Variants in CHN2 observed in about 807,000 individuals in gnomAD.
CHN2 encodes chimerin 2.
A neutral mutation model predicts 56.3 loss-of-function variants in CHN2; 35 were observed. The observed-to-expected ratio is 0.62, with a 90% CI of 0.47 to 0.82. The LOEUF (loss-of-function observed/expected upper bound fraction) is 0.82. CHN2 is among the 40% of genes least tolerant of loss of function. The pLI, the probability that CHN2 is intolerant of heterozygous loss-of-function variation, is 0.00. For missense variants in CHN2, 491 were observed against 580.5 expected (o/e 0.85, Z 1.58); for synonymous variants, 210 against 212.8 (o/e 0.99, Z 0.12).
At chr7:29,259,468 G>A (rs967381591) in intron 1 of CHN2, among the ~76,000 whole-genome samples, 1 of 152,020 alleles carries the variant, frequency 6.6e-6, no homozygotes, top group Non-Finnish European at 1.5e-5. Context: ...TGGGTGCTCC[G>A]TTTTGTGTAA....
intron 6 of CHN2, among the ~76,000 whole-genome samples, chr7:29,447,017 A>G (rs1585422161): frequency 1.3e-5 from 2 of 152,314 alleles, no homozygotes; most frequent in East Asian, 3.9e-4. Context: ...ACTGCATCCA[A>G]AAGCGAAGTT....
chr7:29,160,910 G>A (rs2128709635), intron 2 of CHN2, among the ~76,000 whole-genome samples: 1 of 152,276 alleles, frequency 6.6e-6, no homozygotes, highest in Admixed American at 6.5e-5. Flanking sequence ...AAAAGCTACA[G>A]ATTAATTTTA....
intron 1 of CHN2, among the ~76,000 whole-genome samples, chr7:29,203,488 A>T (rs1016943798): frequency 6.6e-6 from 1 of 151,682 alleles, no homozygotes; most frequent in African/African-American, 2.4e-5. Context: ...AAAAAAAAAA[A>T]AAAAGGATCT....
intron 2 of CHN2, among the ~76,000 whole-genome samples, chr7:29,354,940 T>TTTTATTTATTTATTTATTTATTTA (rs58730020): frequency 1.4e-5 from 2 of 142,012 alleles, no homozygotes; most frequent in South Asian, 4.6e-4. Flanking sequence ...GGGGCTTTAT[T>TTTTATTTATTTATTTATTTATTTA]TTTATTTATT....
intron 1 of CHN2, among the ~76,000 whole-genome samples, chr7:29,308,976 C>T (rs1794376969): frequency 6.6e-6 from 1 of 152,128 alleles, no homozygotes; most frequent in Non-Finnish European, 1.5e-5. Context: ...CCTGGCAATG[C>T]AACATCTTGC....
chr7:29,311,588 G>T (rs571685120), intron 1 of CHN2, among the ~76,000 whole-genome samples: 1 of 152,320 alleles, frequency 6.6e-6, no homozygotes, highest in South Asian at 2.1e-4. Context: ...TCAAACACAG[G>T]CAGTGTGGCT....
intron 2 of CHN2, among the ~76,000 whole-genome samples, chr7:29,168,975 T>C (rs1016847364): frequency 1.3e-5 from 2 of 152,194 alleles, no homozygotes. Context: ...GTATAATAAA[T>C]TCTATTTGAT....
chr7:29,402,037 T>C (rs570919234), intron 6 of CHN2, among the ~76,000 whole-genome samples: 1 of 152,282 alleles, frequency 6.6e-6, no homozygotes, highest in East Asian at 1.9e-4. Context: ...GCCACACTGC[T>C]CCTTCCAGTG....
chr7:29,213,286 C>T, intron 1 of CHN2: 1 of 806,488 alleles, frequency 1.2e-6, no homozygotes, highest in Non-Finnish European at 2.1e-6. Flanking sequence ...CCCTCCTCCC[C>T]TCCCTGATAG....
At chr7:29,233,824 G>GCTT (rs1584812326) in intron 1 of CHN2, among the ~76,000 whole-genome samples, 1 of 81,756 alleles carries the variant, frequency 1.2e-5, no homozygotes, top group African/African-American at 4.6e-5. Context: ...CCAACACCTT[G>GCTT]ATTTTTTTTT....
chr7:29,453,014 G>A (rs1458730178), intron 6 of CHN2, among the ~76,000 whole-genome samples: 1 of 152,196 alleles, frequency 6.6e-6, no homozygotes, highest in Non-Finnish European at 1.5e-5. Context: ...TTCTTAATGT[G>A]CTTTGCAGAC....
chr7:29,488,964 C>T (rs1358334810), intron 7 of CHN2, among the ~76,000 whole-genome samples: 1 of 152,186 alleles, frequency 6.6e-6, no homozygotes, highest in Non-Finnish European at 1.5e-5. Flanking sequence ...CTTACAGTTT[C>T]GATCCCAGGC....
chr7:29,481,360 T>G (rs1787205852), intron 7 of CHN2, among the ~76,000 whole-genome samples: 1 of 152,222 alleles, frequency 6.6e-6, no homozygotes, highest in Non-Finnish European at 1.5e-5. Flanking sequence ...TTGTCAGAGG[T>G]GACGAGGGAA....
intron 6 of CHN2, among the ~76,000 whole-genome samples, chr7:29,467,384 G>A (rs1475664413): frequency 6.6e-6 from 1 of 152,104 alleles, no homozygotes; most frequent in Non-Finnish European, 1.5e-5. Context: ...TGTTTAACTT[G>A]TGCAATGTGG....
intron 7 of CHN2, among the ~76,000 whole-genome samples, chr7:29,488,271 G>A (rs1202479110): frequency 3.3e-5 from 5 of 152,162 alleles, no homozygotes; most frequent in African/African-American, 9.7e-5. Context: ...CAAAAGGGGA[G>A]AGTTCAAAGT....
intron 1 of CHN2, among the ~76,000 whole-genome samples, chr7:29,342,574 A>G (rs1009660504): frequency 3.3e-5 from 5 of 152,248 alleles, no homozygotes; most frequent in African/African-American, 1.2e-4. Flanking sequence ...GCACCAAAAA[A>G]TATATCATTA....
chr7:29,424,673 A>T (rs372187295), intron 6 of CHN2, among the ~76,000 whole-genome samples: 3 of 152,210 alleles, frequency 2.0e-5, no homozygotes, highest in African/African-American at 7.2e-5. Flanking sequence ...TTTTACAAAC[A>T]TTTGGATTTC....
rs150216645 is a variant in CHN2 at position 29,228,050 on chromosome 7, A to G, written c.49+33060A>G. Among the ~76,000 whole-genome samples the G allele has an allele frequency of 1.2e-3, 184 of 152,088 alleles. 3 individuals carry two copies. Among genetic ancestry groups the G allele is most frequent in the Middle Eastern group, 6.8e-3 (2 of 294 alleles). ...GCCCTATATATTTTCTGAGTTCTAAACATGATATCAAGTTACCTTAAAATC... is the reference window on the plus strand; with the variant it reads ...GCCCTATATATTTTCTGAGTTCTAAGCATGATATCAAGTTACCTTAAAATC... On this transcript the variant is annotated intron_variant, in intron 1 of 12. Coordinates refer to ENST00000222792, the MANE Select transcript of CHN2 (RefSeq NM_004067.4).
intron 3 of CHN2, among the ~76,000 whole-genome samples, chr7:29,381,773 T>C (rs931492412): frequency 6.2e-5 from 8 of 128,222 alleles, no homozygotes; most frequent in South Asian, 2.5e-4. Context: ...TAGAATTCTA[T>C]TGTAAGCAAT....
Sources: allele counts gnomAD v4.1 joint callset (sites outside exome capture counted in the v4.1 genomes callset), GRCh38; gene constraint gnomAD v4.1.1; transcripts MANE v1.5; gene names NCBI Gene and HGNC (gene_info 2026-07-23, HGNC 2026-07-21).